Variants in GPR137B observed in about 807,000 individuals in gnomAD.
GPR137B encodes the protein G protein-coupled receptor 137B.
Under a neutral mutation model 42.5 loss-of-function variants are expected in GPR137B, and 42 were observed. The ratio of observed to expected loss-of-function variants is 0.99; its 90% CI spans 0.77 to 1.28. The LOEUF (loss-of-function observed/expected upper bound fraction) is 1.28. Ranked by LOEUF, GPR137B falls within the 50% of genes most tolerant of loss-of-function variation. GPR137B has a pLI of 0.00. For synonymous variants in GPR137B, 218 were observed against 209.7 expected (o/e 1.04, Z -0.34); for missense variants, 487 against 493.9 (o/e 0.99, Z 0.13).
chr1:236,154,844 T>A (rs1165999709), intron 1 of GPR137B, among the ~76,000 whole-genome samples: 1 of 152,104 alleles, frequency 6.6e-6, no homozygotes, highest in Non-Finnish European at 1.5e-5. Flanking sequence ...CCCGGGACCC[T>A]CCTGCCATAG....
intron 5 of GPR137B, among the ~76,000 whole-genome samples, chr1:236,193,611 C>A (rs1663257556): frequency 6.6e-6 from 1 of 152,140 alleles, no homozygotes; most frequent in Non-Finnish European, 1.5e-5. Context: ...GTATATTTCT[C>A]TGATGACTAA....
intron 6 of GPR137B, chr1:236,207,099 T>A: frequency 2.0e-6 from 2 of 978,716 alleles, no homozygotes; most frequent in Non-Finnish European, 2.4e-6. Flanking sequence ...TAGAAAACTT[T>A]TTAAGAGAGC....
chr1:236,142,765 T>C lies in GPR137B; in HGVS notation c.143T>C (p.Val48Ala). The C allele has an allele frequency of 6.2e-7, 1 of 1,613,504 alleles. No individual in the cohort carries two copies. The highest frequency in any genetic ancestry group is 8.5e-7 in the Non-Finnish European group (1 of 1,179,970). The stretch of plus-strand genomic sequence containing the variant: ...TACGTGAAGCTTGGCCTCACCGTCG[T>C]CTACACCGTGTTCTACGCGCTGCTC... ...PPYVKLGLTV[V>A]YTVFYALLFV... Residue 48 changes from valine (V) to alanine (A), a missense_variant, in exon 1 of 7, where the codon GTC becomes GCC. Transcript: ENST00000366592.
In GPR137B at chr1:236,168,814, C is replaced by T. The variant is rs1662439475; in HGVS notation, c.464+59C>T. 5.1e-6 allele frequency: 6 copies of T among 1,186,464 alleles called. No individual in the cohort carries two copies. In the Admixed American group the frequency reaches 8.4e-5, roughly 17 times the overall value. The allele number at this position is 1,186,464 out of a possible 1,614,324, so 73.5% of individuals were successfully genotyped here. A position where few individuals can be genotyped will look rare whatever the true frequency, so the allele number is the denominator to read the frequency against. On this transcript the variant is annotated intron_variant, in intron 2 of 6. Coordinates refer to ENST00000366592, the MANE Select transcript of GPR137B (RefSeq NM_003272.4). ...AAGGGGAAAGTGCCGACACATGAAT[C>T]TCATCTCTCCATTGGGGTTTGCACA...
intron 5 of GPR137B, among the ~76,000 whole-genome samples, chr1:236,204,773 C>T (rs537945077): frequency 7.2e-5 from 11 of 152,034 alleles, no homozygotes; most frequent in African/African-American, 2.2e-4. Flanking sequence ...TTAGTCTTTC[C>T]GGTTTAGTCT....
At chr1:236,166,984 G>A (rs1418382439) in intron 1 of GPR137B, among the ~76,000 whole-genome samples, 5 of 152,254 alleles carry the variant, frequency 3.3e-5, no homozygotes, top group East Asian at 1.9e-4. Flanking sequence ...GGGTATGCAC[G>A]TTGAGCACCG....
intron 5 of GPR137B, among the ~76,000 whole-genome samples, chr1:236,204,102 G>C (rs1369398553): frequency 6.6e-6 from 1 of 152,132 alleles, no homozygotes; most frequent in Non-Finnish European, 1.5e-5. Context: ...TCCCCGGTTT[G>C]AGGGTTTTTA....
chr1:236,203,632 T>C (rs1663566984), intron 5 of GPR137B, among the ~76,000 whole-genome samples: 1 of 152,232 alleles, frequency 6.6e-6, no homozygotes, highest in Admixed American at 6.5e-5. Flanking sequence ...TTAACAATAT[T>C]GATTCCTCCA....
intron 1 of GPR137B, among the ~76,000 whole-genome samples, chr1:236,159,114 C>T (rs1046505589): frequency 3.3e-5 from 5 of 152,040 alleles, no homozygotes; most frequent in African/African-American, 1.2e-4. Flanking sequence ...AGTTCAAGAC[C>T]AGCCTGGGCA....
At chr1:236,162,183 T>C (rs906738379) in intron 1 of GPR137B, among the ~76,000 whole-genome samples, 10 of 152,194 alleles carry the variant, frequency 6.6e-5, no homozygotes, top group Non-Finnish European at 1.2e-4. Context: ...ACTCTGGTTA[T>C]GTTTTAGCAA....
chr1:236,149,915 C>T (rs190103954), intron 1 of GPR137B, among the ~76,000 whole-genome samples: 3 of 150,670 alleles, frequency 2.0e-5, no homozygotes, highest in African/African-American at 7.3e-5. Flanking sequence ...TGCCTGTGCA[C>T]GTGTGGCTGC....
rs1465500786 is a variant in GPR137B at position 236,179,909 on chromosome 1, G to A, written c.718G>A (p.Gly240Ser). ...CTCCGTGTGTCAAGTGACTGCCATC[G>A]GTGTCACCGTGATACTGCTTTACAC... ...GSSVCQVTAIGVTVILLYTSR... is the reference protein window; with the variant it reads ...GSSVCQVTAISVTVILLYTSR... The change falls in exon 4 of 7, where the codon GGT (glycine) becomes AGT (serine). Residue 240 changes from glycine to serine, a missense_variant. Transcript: ENST00000366592. The A allele has an allele frequency of 3.8e-6, 6 of 1,599,808 alleles. No homozygotes were observed. The highest frequency in any genetic ancestry group is 4.5e-5 in the East Asian group (2 of 44,788).
Position 236,150,479 on chromosome 1 carries a change from G to T in GPR137B, c.414+7443G>T, listed in dbSNP as rs1661826836. Among the ~76,000 whole-genome samples the T allele has an allele frequency of 6.6e-6, 1 of 152,188 alleles. No homozygotes were observed. Among genetic ancestry groups the T allele is most frequent in the Non-Finnish European group, 1.5e-5 (1 of 68,028 alleles). On this transcript the variant is annotated intron_variant, in intron 1 of 6. Transcript: ENST00000366592. The surrounding 1 kb of genome is among the most constrained non-coding windows in gnomAD (Gnocchi z 6.2). Reference sequence around the variant, plus strand: ...ATGGCAGCGTGCTCTTCTCTCTGCAGCTGAGGCTGTGACCGCATCAGTGCC... The same window carrying T: ...ATGGCAGCGTGCTCTTCTCTCTGCATCTGAGGCTGTGACCGCATCAGTGCC...
chr1:236,206,784 G>A (rs751409494), intron 6 of GPR137B, among the ~76,000 whole-genome samples: 5 of 152,050 alleles, frequency 3.3e-5, no homozygotes, highest in Non-Finnish European at 4.4e-5. Context: ...TCCACTACCC[G>A]ATGACTATCA....
Position 236,142,815 on chromosome 1 carries a change from T to G in GPR137B, c.193T>G (p.Trp65Gly). ...CTTCGTGTTCATCTACGTGCAGCTC[T>G]GGCTGGTGCTGCGTTACCGCCACAA... ...LLFVFIYVQL[W>G]LVLRYRHKRL... is the part of the protein sequence containing the mutation. Residue 65 changes from tryptophan (W) to glycine (G), a missense_variant, in exon 1 of 7, where the codon TGG (tryptophan) becomes GGG (glycine). Coordinates refer to ENST00000366592, the MANE Select transcript of GPR137B (RefSeq NM_003272.4). 1 of 1,613,928 alleles carries G rather than the reference T, an allele frequency of 6.2e-7. No individual in the cohort carries two copies. The highest frequency in any genetic ancestry group is 1.1e-5 in the South Asian group (1 of 91,086).
intron 4 of GPR137B, among the ~76,000 whole-genome samples, chr1:236,180,685 A>G (rs976739980): frequency 7.2e-6 from 1 of 139,626 alleles, no homozygotes; most frequent in Non-Finnish European, 1.5e-5. Context: ...CCCAGGCTGG[A>G]GTGCAATGGC....
At chr1:236,192,017 G>A (rs1229856558) in intron 5 of GPR137B, among the ~76,000 whole-genome samples, 2 of 152,130 alleles carry the variant, frequency 1.3e-5, no homozygotes, top group Non-Finnish European at 2.9e-5. Context: ...TTTCAGAGAT[G>A]CCCTGCCCAG....
chr1:236,157,440 G>T (rs1662065609), intron 1 of GPR137B, among the ~76,000 whole-genome samples: 1 of 152,056 alleles, frequency 6.6e-6, no homozygotes, highest in Non-Finnish European at 1.5e-5. Flanking sequence ...AGCCAGGATG[G>T]TCTTGATCTC....
intron 6 of GPR137B, among the ~76,000 whole-genome samples, chr1:236,206,058 G>A (rs1375192502): frequency 6.6e-6 from 1 of 152,124 alleles, no homozygotes; most frequent in Non-Finnish European, 1.5e-5. Flanking sequence ...TTTGAATGAT[G>A]TCAGTTCTTA....
Sources: gnomAD v4.1 joint callset for allele counts (sites outside exome capture counted in the v4.1 genomes callset) on GRCh38, gnomAD v4.1.1 for gene constraint, Gnocchi (gnomAD v3.1) non-coding constraint, MANE v1.5 for transcripts, NCBI Gene and HGNC (gene_info 2026-07-23, HGNC 2026-07-21) for gene names.